EDA: variants seen among roughly 807,000 people sequenced by gnomAD.
EDA encodes the protein ectodysplasin A, also known as ectodysplasin-A.
EDA carries 2 observed loss-of-function variants against 23.6 expected under a neutral mutation model. The observed-to-expected ratio is 0.08, with a 90% CI of 0.03 to 0.27. The LOEUF is 0.27. EDA is among the 10% of genes least tolerant of loss of function. EDA has a pLI of 1.00. For synonymous variants in EDA, 131 were observed against 132.0 expected, an observed-to-expected ratio of 0.99 and a Z score of 0.05; for missense variants, 229 against 324.2, an observed-to-expected ratio of 0.71 and a Z score of 2.26.
chrX:69,952,880 G>A (rs1376464026), intron 1 of EDA, among the ~76,000 whole-genome samples: 1 of 112,434 alleles, frequency 8.9e-6, no homozygotes, highest in Non-Finnish European at 1.9e-5. Flanking sequence ...TCCCATAGGA[G>A]CTCAGCCCAT....
chrX:69,877,295 C>A (rs1041318339), intron 1 of EDA, among the ~76,000 whole-genome samples: 1 of 111,711 alleles, frequency 9.0e-6, no homozygotes, highest in African/African-American at 3.3e-5. Context: ...GCGACAGAGA[C>A]CCTGAGTAAA....
intron 1 of EDA, among the ~76,000 whole-genome samples, chrX:69,721,580 C>T (rs894714246): frequency 5.4e-5 from 6 of 110,912 alleles, no homozygotes; most frequent in Admixed American, 9.6e-5. Flanking sequence ...ATTGATCCAC[C>T]GTGCTGGTGA....
intron 1 of EDA, among the ~76,000 whole-genome samples, chrX:69,837,837 T>C (rs962324831): frequency 8.9e-6 from 1 of 112,489 alleles, no homozygotes; most frequent in Non-Finnish European, 1.9e-5. Flanking sequence ...ATTCCAGATA[T>C]TGTTCTTCAA....
chrX:69,814,970 C>T (rs1487255759), intron 1 of EDA, among the ~76,000 whole-genome samples: 1 of 111,315 alleles, frequency 9.0e-6, no homozygotes, highest in Non-Finnish European at 1.9e-5. Context: ...ATACTTTGGC[C>T]CTGGGATTCC....
chrX:69,798,274 CA>C (rs754606492), intron 1 of EDA, among the ~76,000 whole-genome samples: 2 of 110,773 alleles, frequency 1.8e-5, no homozygotes, highest in East Asian at 2.8e-4. Flanking sequence ...AGAAAATCGA[CA>C]AAAAAACATT....
At chrX:70,020,340 G>A (rs921302442) in intron 2 of EDA, among the ~76,000 whole-genome samples, 4 of 111,290 alleles carry the variant, frequency 3.6e-5, no homozygotes, top group Non-Finnish European at 7.5e-5. Flanking sequence ...GGCGGATCAC[G>A]AGGTCAGGAG....
chrX:69,627,233 G>C (rs914167595), intron 1 of EDA, among the ~76,000 whole-genome samples: 1 of 111,128 alleles, frequency 9.0e-6, no homozygotes, highest in Admixed American at 9.6e-5. Flanking sequence ...CAAGAATCTT[G>C]GCCCAGAATC....
chrX:69,804,691 C>G (rs5936754), intron 1 of EDA, among the ~76,000 whole-genome samples: 8,361 of 110,412 alleles, frequency 0.076, 254 homozygotes, highest in Middle Eastern at 0.088. Flanking sequence ...ACATGATCGG[C>G]TAGTGGGAAT....
At chrX:69,647,775 T>G (rs1168289546) in intron 1 of EDA, among the ~76,000 whole-genome samples, 1 of 112,287 alleles carries the variant, frequency 8.9e-6, no homozygotes, top group East Asian at 2.8e-4. Flanking sequence ...ACTCTGACTT[T>G]TTGAGTTTTC....
intron 2 of EDA, among the ~76,000 whole-genome samples, chrX:69,969,202 G>A (rs1208827921): frequency 3.6e-5 from 4 of 112,492 alleles, no homozygotes; most frequent in Non-Finnish European, 7.5e-5. Context: ...CATCTGTGTA[G>A]ATGAAATTCA....
intron 2 of EDA, among the ~76,000 whole-genome samples, chrX:69,988,861 GA>G (rs1181796585): frequency 9.1e-6 from 1 of 109,699 alleles, no homozygotes; most frequent in East Asian, 2.8e-4. Flanking sequence ...ATCTCAAAAA[GA>G]AAAAAAATTG....
chrX:69,865,396 G>A (rs1174436460), intron 1 of EDA, among the ~76,000 whole-genome samples: 4 of 110,457 alleles, frequency 3.6e-5, no homozygotes, highest in South Asian at 3.9e-4. Flanking sequence ...GAGCCAGTCC[G>A]AGTCCCAAAA....
At chrX:69,723,523 T>A (rs778557450) in intron 1 of EDA, among the ~76,000 whole-genome samples, 1 of 112,153 alleles carries the variant, frequency 8.9e-6, no homozygotes, top group Non-Finnish European at 1.9e-5. Flanking sequence ...CATTCAGGTC[T>A]TTATCACTAA....
intron 2 of EDA, among the ~76,000 whole-genome samples, chrX:69,971,735 G>A (rs1031885983): frequency 2.1e-4 from 23 of 109,130 alleles, no homozygotes; most frequent in Admixed American, 3.0e-4. Context: ...TGCTTCTCGC[G>A]TCTTCACAGC....
intron 1 of EDA, among the ~76,000 whole-genome samples, chrX:69,635,422 C>A (rs1037072983): frequency 9.0e-6 from 1 of 110,925 alleles, no homozygotes; most frequent in Non-Finnish European, 1.9e-5. Flanking sequence ...CTGCATTTAT[C>A]ACCTTCCTAC....
chrX:69,679,155 C>G (rs1160024100), intron 1 of EDA, among the ~76,000 whole-genome samples: 1 of 109,554 alleles, frequency 9.1e-6, no homozygotes, highest in Non-Finnish European at 1.9e-5. Context: ...ACCGGCCTTG[C>G]ATCCCAGGGA....
rs138789737 is a variant in EDA, at chrX:69,819,887, T to G, written c.397-137140T>G. Among the ~76,000 whole-genome samples the G allele has an allele frequency of 3.3e-3, 305 of 92,772 alleles. 7 individuals carry two copies. In the East Asian group the frequency reaches 0.11, roughly 32 times the overall value. 80.6% of individuals were successfully genotyped at this position (92,772 alleles called of 115,157 possible). On this transcript the variant is annotated intron_variant, in intron 1 of 7. Transcript: ENST00000374552. ...GAATTAGAAAAAACTTTTAAAAAAT[T>G]CATGTGGAAGCAAAAAAAAAAAAAA...
intron 1 of EDA, among the ~76,000 whole-genome samples, chrX:69,773,427 T>C (rs977172681): frequency 1.8e-5 from 2 of 111,979 alleles, no homozygotes; most frequent in Non-Finnish European, 3.8e-5. Flanking sequence ...GCGATATACC[T>C]AGAAGTGGAA....
intron 1 of EDA, among the ~76,000 whole-genome samples, chrX:69,882,586 C>T: frequency 8.9e-6 from 1 of 112,126 alleles, no homozygotes; most frequent in Non-Finnish European, 1.9e-5. Flanking sequence ...GCTTTAAGTA[C>T]ATAGAAACAG....
Sources: gnomAD v4.1 joint callset for allele counts (sites outside exome capture counted in the v4.1 genomes callset) on GRCh38, gnomAD v4.1.1 for gene constraint, MANE v1.5 for transcripts, NCBI Gene and HGNC (gene_info 2026-07-23, HGNC 2026-07-21) for gene names.